Variants in CLASP2 observed in about 807,000 individuals in gnomAD.
CLASP2 encodes CLIP-associating protein 2.
In CLASP2, 47 loss-of-function variants were observed where a neutral mutation model predicts 194.4. That is an observed-to-expected ratio of 0.24 (90% CI 0.19 to 0.31). CLASP2 has a LOEUF of 0.31. Ranked by LOEUF, CLASP2 falls within the 10% of genes least tolerant of loss-of-function variation. The pLI, the probability that CLASP2 is intolerant of heterozygous loss-of-function variation, is 1.00. For synonymous variants in CLASP2, 619 were observed against 633.5 expected (o/e 0.98, Z 0.34); for missense variants, 1,445 against 1,823.6 (o/e 0.79, Z 3.78).
At chr3:33,514,835 CA>C in intron 36 of CLASP2, among the ~76,000 whole-genome samples, 1 of 151,974 alleles carries the variant, frequency 6.6e-6, no homozygotes, top group Admixed American at 6.6e-5. Flanking sequence ...CACACACACA[CA>C]CACCATGTGT....
chr3:33,568,501 C>T (rs2063153075), intron 26 of CLASP2, among the ~76,000 whole-genome samples: 2 of 145,280 alleles, frequency 1.4e-5, no homozygotes, highest in South Asian at 2.2e-4. Context: ...TTGCAGTGAG[C>T]CAAGATCATG....
At chr3:33,686,920 A>G (rs2090746920) in intron 5 of CLASP2, 140 bp downstream of exon 5, 1 of 555,528 alleles carries the variant, frequency 1.8e-6, no homozygotes, top group East Asian at 3.1e-5. Context: ...ACTTTGATGG[A>G]TTTTTTTTAA....
At chr3:33,606,877 T>TCAGATAA in intron 15 of CLASP2, 119 bp from the exon 16 acceptor site, 1 of 724,892 alleles carries the variant, frequency 1.4e-6, no homozygotes, top group Non-Finnish European at 2.3e-6. Flanking sequence ...TTATCTGATA[T>TCAGATAA]TTGTCAGGTG....
At chr3:33,529,028 A>G (rs1370716880) in intron 34 of CLASP2, among the ~76,000 whole-genome samples, 1 of 152,200 alleles carries the variant, frequency 6.6e-6, no homozygotes, top group African/African-American at 2.4e-5. Flanking sequence ...ATACACCAAC[A>G]ACAGCCAAAC....
At chr3:33,544,867 T>A (rs753929701) in intron 30 of CLASP2, 26 bp from the exon 31 acceptor site, 3 of 1,549,498 alleles carry the variant, frequency 1.9e-6, no homozygotes, top group East Asian at 2.3e-5. Context: ...ATACAGTAGA[T>A]GAATATATTT....
At chr3:33,629,808 C>T (rs578039447) in intron 9 of CLASP2, among the ~76,000 whole-genome samples, 16 of 133,888 alleles carry the variant, frequency 1.2e-4, no homozygotes, top group East Asian at 8.9e-4. Context: ...AAAAAAAAAA[C>T]GAGAGAACCA....
chr3:33,570,569 T>C (rs757460325), intron 26 of CLASP2, 158 bp downstream of exon 26: 150 of 891,244 alleles, frequency 1.7e-4, no homozygotes, highest in Non-Finnish European at 2.3e-4. Flanking sequence ...CAGAGATTAA[T>C]TTCTAAATTA....
chr3:33,632,038 C>T (rs1254694333), intron 9 of CLASP2, among the ~76,000 whole-genome samples: 1 of 152,134 alleles, frequency 6.6e-6, no homozygotes, highest in African/African-American at 2.4e-5. Context: ...GAGCTCAAAA[C>T]TCATTAATTT....
chr3:33,523,116 ATTAC>A (rs2053605767), intron 34 of CLASP2, among the ~76,000 whole-genome samples: 1 of 152,180 alleles, frequency 6.6e-6, no homozygotes, highest in Non-Finnish European at 1.5e-5. Context: ...CACTAGTGTA[ATTAC>A]TTAATAAGCA....
chr3:33,512,648 G>A (rs2050213100), intron 36 of CLASP2, among the ~76,000 whole-genome samples: 1 of 143,462 alleles, frequency 7.0e-6, no homozygotes, highest in Non-Finnish European at 1.5e-5. Flanking sequence ...GATCTCAATA[G>A]GTGAAAAATG....
chr3:33,695,223 T>G, intron 2 of CLASP2, among the ~76,000 whole-genome samples: 1 of 139,046 alleles, frequency 7.2e-6, no homozygotes, highest in East Asian at 2.1e-4. Flanking sequence ...CCTGCTAATT[T>G]TTTTTTTTTT....
intron 18 of CLASP2, among the ~76,000 whole-genome samples, chr3:33,599,711 CAG>C (rs1406429149): frequency 6.6e-6 from 1 of 152,012 alleles, no homozygotes; most frequent in Non-Finnish European, 1.5e-5. Flanking sequence ...TAGAAGAAAA[CAG>C]AGGTTATATC....
chr3:33,691,608 A>AGT (rs2091362148), intron 2 of CLASP2, among the ~76,000 whole-genome samples: 1 of 152,224 alleles, frequency 6.6e-6, no homozygotes, highest in South Asian at 2.1e-4. Flanking sequence ...TACATCTTGG[A>AGT]TGTACTGTTA....
intron 20 of CLASP2, among the ~76,000 whole-genome samples, chr3:33,593,523 ATGAG>A (rs1023989441): frequency 2.0e-5 from 3 of 152,214 alleles, no homozygotes; most frequent in Admixed American, 6.5e-5. Flanking sequence ...AAATTAAGAA[ATGAG>A]TGAGAAAAGA....
At chr3:33,606,290 TA>T (rs2073830931) in intron 16 of CLASP2, among the ~76,000 whole-genome samples, 1 of 152,160 alleles carries the variant, frequency 6.6e-6, no homozygotes, top group Non-Finnish European at 1.5e-5. Context: ...TTAAATGGGC[TA>T]TTTATTGTAA....
rs781471511 is a variant in CLASP2 at position 33,544,715 on chromosome 3, T to C, written c.3280A>G (p.Thr1094Ala). 6 of 1,611,708 alleles carry C rather than the reference T, an allele frequency of 3.7e-6. No homozygotes were observed. Among genetic ancestry groups the C allele is most frequent in the Middle Eastern group, 1.6e-4 (1 of 6,080 alleles). The change falls in exon 31 of 39, where the codon ACT becomes GCT. Residue 1094 changes from threonine (T) to alanine (A), a missense_variant. Physicochemically the swap from Thr to Ala is moderately conservative, Grantham distance 58 (BLOSUM62 0). This residue lies in a region of CLASP2 where 732 missense variants were observed against 987.9 expected (regional missense o/e 0.74). Coordinates refer to ENST00000682230, the MANE Select transcript of CLASP2 (RefSeq NM_001365631.1). The part of the protein sequence containing the change: ...TKLLHNHLRN[T>A]GNGTQSSMGS... ...ACAATTACCTGGGTTCCATTGCCAG[T>C]GTTTCGAAGGTGATTATGAAGAAGC...
chr3:33,696,767 G>A, intron 2 of CLASP2, 88 bp downstream of exon 2: 1 of 899,636 alleles, frequency 1.1e-6, no homozygotes, highest in Admixed American at 2.5e-5. Flanking sequence ...TTAATTTACA[G>A]AGAACTATTT....
chr3:33,561,927 A>C lies in CLASP2; in HGVS notation c.2767-956T>G, dbSNP rs538058521. On this transcript the variant is annotated intron_variant, in intron 27 of 38. Coordinates refer to ENST00000682230, the MANE Select transcript of CLASP2 (RefSeq NM_001365631.1). ...CTATGGGTTAAAAAAACTTAAAATT[A>C]TTAACTTTTCAAGTTAATCTCAAAA... 1.1e-4 allele frequency among the ~76,000 whole-genome samples: 16 copies of C among 152,302 alleles called. No individual in the cohort carries two copies. In the South Asian group the frequency reaches 3.1e-3, roughly 30 times the overall value.
intron 6 of CLASP2, among the ~76,000 whole-genome samples, chr3:33,682,422 C>T (rs1022855212): frequency 1.1e-4 from 16 of 152,256 alleles, no homozygotes; most frequent in Admixed American, 4.6e-4. Context: ...ACTGGATACA[C>T]ACTGATAATT....
Sources: gnomAD v4.1 joint callset for allele counts (sites outside exome capture counted in the v4.1 genomes callset) on GRCh38, gnomAD v4.1.1 for gene constraint, gnomAD v4.1.1 regional missense constraint, MANE v1.5 for transcripts, NCBI Gene and HGNC (gene_info 2026-07-23, HGNC 2026-07-21) for gene names.